The following CSGALNACT1 variants were observed in gnomAD, a reference collection of about 807,000 sequenced individuals.
The protein encoded by CSGALNACT1 is beta4GalNAcT-1.
In CSGALNACT1, 52 loss-of-function variants were observed where a neutral mutation model predicts 51.0. That is an observed-to-expected ratio of 1.02 (90% CI 0.82 to 1.29). The LOEUF is 1.29. Ranked by LOEUF, CSGALNACT1 falls within the 50% of genes most tolerant of loss-of-function variation. The probability of loss-of-function intolerance (pLI) is 0.00; values close to 1 mark genes in which losing one functional copy is unlikely to be tolerated. For synonymous variants in CSGALNACT1, 341 were observed against 254.4 expected (o/e 1.34, Z -3.24); for missense variants, 935 against 679.2 (o/e 1.38, Z -4.19).
chr8:19,612,946 G>GCAAAAAA (rs1294204801), intron 1 of CSGALNACT1, among the ~76,000 whole-genome samples: 1 of 15,428 alleles, frequency 6.5e-5, no homozygotes, highest in African/African-American at 1.4e-4. Context: ...AAAGCAGCTG[G>GCAAAAAA]AAAAAAAAAA....
At chr8:19,672,027 C>A (rs2059831101) in intron 1 of CSGALNACT1, among the ~76,000 whole-genome samples, 1 of 152,110 alleles carries the variant, frequency 6.6e-6, no homozygotes, top group Non-Finnish European at 1.5e-5. Context: ...TTAAAAGCAA[C>A]ATAAAGTGGT....
In CSGALNACT1 at chr8:19,730,309, A is replaced by C. The variant is rs1380322411; in HGVS notation, c.-297+27541T>G. ...ACAACACTCGGGGAATAGGACACGT[A>C]GCTCCCTGGCTGGCTGCGGTGGGAT... On this transcript the variant is annotated intron_variant, in intron 1 of 1. Coordinates refer to the CSGALNACT1 transcript ENST00000517494. Among the ~76,000 whole-genome samples, 3 of 152,232 alleles carry C rather than the reference A, an allele frequency of 2.0e-5. No homozygotes were observed. The East Asian group carries it at 5.8e-4, about 29-fold the overall frequency.
At chr8:19,533,510 G>T (rs1431454024) in intron 3 of CSGALNACT1, among the ~76,000 whole-genome samples, 1 of 152,054 alleles carries the variant, frequency 6.6e-6, no homozygotes, top group South Asian at 2.1e-4. Flanking sequence ...AATATCAAAT[G>T]GTTCATGAAG....
At chr8:19,730,523 A>G (rs56262940) in intron 1 of CSGALNACT1, among the ~76,000 whole-genome samples, 24,429 of 152,238 alleles carry the variant, frequency 0.16, 2,577 homozygotes, top group East Asian at 0.39. Flanking sequence ...CCAATAAAGA[A>G]AAATGTACTT....
At chr8:19,549,388 T>A (rs1425784868) in intron 3 of CSGALNACT1, among the ~76,000 whole-genome samples, 1 of 152,178 alleles carries the variant, frequency 6.6e-6, no homozygotes, top group Non-Finnish European at 1.5e-5. Context: ...CTGCTTCAAT[T>A]TTTCATTTGG....
intron 1 of CSGALNACT1, among the ~76,000 whole-genome samples, chr8:19,644,709 CAAAAAAAAAAAA>C (rs756025465): frequency 1.8e-4 from 4 of 22,290 alleles, no homozygotes; most frequent in African/African-American, 3.9e-4. Context: ...GACTCCGTCT[CAAAAAAAAAAAA>C]AAAAAAAAAA....
chr8:19,625,091 G>A (rs531724743), intron 1 of CSGALNACT1, among the ~76,000 whole-genome samples: 6 of 152,268 alleles, frequency 3.9e-5, no homozygotes, highest in African/African-American at 1.4e-4. Flanking sequence ...GAAGGGACAC[G>A]AGTCAGTTCC....
chr8:19,550,877 T>A (rs1018177255), intron 3 of CSGALNACT1, among the ~76,000 whole-genome samples: 4 of 152,202 alleles, frequency 2.6e-5, no homozygotes, highest in Admixed American at 6.5e-5. Context: ...TAGCATGCTT[T>A]ACCCCTACTC....
At chr8:19,477,805 A>G (rs2070139120) in intron 4 of CSGALNACT1, among the ~76,000 whole-genome samples, 1 of 152,228 alleles carries the variant, frequency 6.6e-6, no homozygotes, top group East Asian at 1.9e-4. Context: ...TGTAGCACTT[A>G]GAACAATACA....
intron 1 of CSGALNACT1, among the ~76,000 whole-genome samples, chr8:19,694,131 G>T (rs182924587): frequency 6.6e-6 from 1 of 152,190 alleles, no homozygotes; most frequent in East Asian, 1.9e-4. Flanking sequence ...AATTTAATCA[G>T]GCAAAAGGAA....
At chr8:19,755,880 C>T (rs1489266709) in intron 1 of CSGALNACT1, among the ~76,000 whole-genome samples, 2 of 152,170 alleles carry the variant, frequency 1.3e-5, no homozygotes, top group African/African-American at 4.8e-5. Context: ...TCAAGGCAGA[C>T]GAATTATTAA....
At chr8:19,605,318 C>G (rs1325713597), upstream of CSGALNACT1, among the ~76,000 whole-genome samples, 1 of 152,108 alleles carries the variant, frequency 6.6e-6, no homozygotes, top group African/African-American at 2.4e-5. Flanking sequence ...CACCTGTAAT[C>G]CCAGCTACTC....
intron 4 of CSGALNACT1, among the ~76,000 whole-genome samples, chr8:19,471,780 C>T (rs2068241498): frequency 2.0e-5 from 3 of 152,138 alleles, no homozygotes; most frequent in Non-Finnish European, 2.9e-5. Flanking sequence ...GAAAACTCAA[C>T]GGAAGAGATG....
At chr8:19,678,722 G>A (rs983268406) in intron 1 of CSGALNACT1, 2 of 152,074 alleles carry the variant, frequency 1.3e-5, no homozygotes, top group East Asian at 1.9e-4. Flanking sequence ...AATTCCATAC[G>A]TTTTGACCCA....
chr8:19,578,171 T>C (rs753368194), intron 3 of CSGALNACT1, among the ~76,000 whole-genome samples: 4 of 152,230 alleles, frequency 2.6e-5, no homozygotes, highest in Non-Finnish European at 5.9e-5. Flanking sequence ...GATGCCATCA[T>C]CAAATTCTAT....
chr8:19,531,621 A>C (rs2082778932), intron 3 of CSGALNACT1, among the ~76,000 whole-genome samples: 1 of 152,262 alleles, frequency 6.6e-6, no homozygotes, highest in Non-Finnish European at 1.5e-5. Flanking sequence ...GAAAATTGAC[A>C]TAGAATCTCA....
chr8:19,414,904 G>A (rs2056571562), intron 8 of CSGALNACT1, among the ~76,000 whole-genome samples: 1 of 152,180 alleles, frequency 6.6e-6, no homozygotes, highest in South Asian at 2.1e-4. Context: ...CGTACCCTTA[G>A]TAGGAAGTCA....
intron 2 of CSGALNACT1, among the ~76,000 whole-genome samples, chr8:19,592,466 A>G (rs1188920902): frequency 6.6e-6 from 1 of 152,232 alleles, no homozygotes; most frequent in African/African-American, 2.4e-5. Flanking sequence ...ATAAAAAGCA[A>G]ATGAGCAGGG....
At chr8:19,535,206 A>G (rs1020134880) in intron 3 of CSGALNACT1, among the ~76,000 whole-genome samples, 2 of 152,210 alleles carry the variant, frequency 1.3e-5, no homozygotes, top group African/African-American at 4.8e-5. Context: ...TGAAAAAAAA[A>G]TAGAAAAGAA....
Sources: allele counts gnomAD v4.1 joint callset (sites outside exome capture counted in the v4.1 genomes callset), GRCh38; gene constraint gnomAD v4.1.1; transcripts MANE v1.5; gene names NCBI Gene and HGNC (gene_info 2026-07-23, HGNC 2026-07-21).